Variants in CCSER2 observed in about 807,000 individuals in gnomAD.
CCSER2 encodes coiled-coil serine rich protein 2.
A neutral mutation model predicts 92.3 loss-of-function variants in CCSER2; 46 were observed. The ratio of observed to expected loss-of-function variants is 0.50; its 90% CI spans 0.39 to 0.64. The LOEUF (loss-of-function observed/expected upper bound fraction) is 0.64. Ranked by LOEUF, CCSER2 falls within the 30% of genes least tolerant of loss-of-function variation. The pLI, the probability that CCSER2 is intolerant of heterozygous loss-of-function variation, is 0.00. For missense variants in CCSER2, 1,244 were observed against 1,238.9 expected, an observed-to-expected ratio of 1.00 and a Z score of -0.06; for synonymous variants, 433 against 431.4, an observed-to-expected ratio of 1.00 and a Z score of -0.04.
intron 1 of CCSER2, among the ~76,000 whole-genome samples, chr10:84,354,721 C>A (rs1417990773): frequency 1.3e-5 from 2 of 151,778 alleles, no homozygotes; most frequent in African/African-American, 4.8e-5. Context: ...TCAGATTTTG[C>A]CCTTGCATTT....
chr10:84,472,241 C>T (rs1332280545), intron 8 of CCSER2, among the ~76,000 whole-genome samples: 1 of 151,940 alleles, frequency 6.6e-6, no homozygotes, highest in Non-Finnish European at 1.5e-5. Context: ...AAAAATTTAG[C>T]TAAAGGAAAA....
chr10:84,453,077 T>G (rs374649833), intron 6 of CCSER2, among the ~76,000 whole-genome samples: 13 of 152,210 alleles, frequency 8.5e-5, no homozygotes, highest in African/African-American at 3.1e-4. Context: ...AGGAGCAGAA[T>G]TTTTTGAAGC....
At chr10:84,349,433 G>A (rs1314105580) in intron 1 of CCSER2, among the ~76,000 whole-genome samples, 1 of 152,110 alleles carries the variant, frequency 6.6e-6, no homozygotes, top group Non-Finnish European at 1.5e-5. Flanking sequence ...AGCACTTGGG[G>A]AGGCAGGAGG....
At chr10:84,472,870 C>G (rs1454716347) in intron 8 of CCSER2, among the ~76,000 whole-genome samples, 1 of 152,158 alleles carries the variant, frequency 6.6e-6, no homozygotes. Flanking sequence ...CTTCTAATAT[C>G]TAGTCCATAC....
intron 1 of CCSER2, among the ~76,000 whole-genome samples, chr10:84,343,976 A>C (rs1338069717): frequency 1.3e-5 from 2 of 152,240 alleles, no homozygotes; most frequent in African/African-American, 4.8e-5. Flanking sequence ...GTTAATACCC[A>C]GGAGAAGCTC....
At chr10:84,370,866 C>G (rs764802105) in intron 1 of CCSER2, 148 bp from the exon 2 acceptor site, 51 of 407,724 alleles carry the variant, frequency 1.3e-4, no homozygotes, top group Non-Finnish European at 2.1e-4. Context: ...TTAATTAGTG[C>G]ATTCGGTATT....
intron 3 of CCSER2, among the ~76,000 whole-genome samples, chr10:84,385,044 C>T (rs1414321101): frequency 6.6e-6 from 1 of 150,720 alleles, no homozygotes; most frequent in African/African-American, 2.4e-5. Context: ...CCCAGGAATA[C>T]ATTTAACCAA....
chr10:84,383,572 A>C (rs886192186), intron 3 of CCSER2, among the ~76,000 whole-genome samples: 1 of 152,016 alleles, frequency 6.6e-6, no homozygotes, highest in African/African-American at 2.4e-5. Flanking sequence ...AGCCTCCCAA[A>C]GTGCTGGGAT....
chr10:84,483,498 T>G (rs1358237938), intron 9 of CCSER2, among the ~76,000 whole-genome samples: 1 of 151,694 alleles, frequency 6.6e-6, no homozygotes, highest in Non-Finnish European at 1.5e-5. Flanking sequence ...AGCAGAAAAC[T>G]ATCACAGTTA....
chr10:84,436,183 C>CAG, intron 5 of CCSER2, among the ~76,000 whole-genome samples: 6 of 150,144 alleles, frequency 4.0e-5, no homozygotes, highest in Non-Finnish European at 8.9e-5. Context: ...AAAAATTAGC[C>CAG]GAGTGTGGTG....
rs1170058023 is a variant in CCSER2 at position 84,371,673 on chromosome 10, A to G, written c.621A>G (p.Pro207=). 6.2e-7 allele frequency: 1 copy of G among 1,613,848 alleles called. No individual in the cohort carries two copies. The highest frequency in any genetic ancestry group is 8.5e-7 in the Non-Finnish European group (1 of 1,179,902). ...CTGGAGAAAGCTTAGCTCAATCCCCAGACAGTAGTAAATCTATTAATTGTG... is the reference window on the plus strand; with the variant it reads ...CTGGAGAAAGCTTAGCTCAATCCCCGGACAGTAGTAAATCTATTAATTGTG... ...SSSGESLAQS[P]DSSKSINCEK... is the part of the protein sequence containing the mutation. The change falls in exon 2 of 10, where the codon CCA becomes CCG. Residue 207 remains proline (P), a synonymous_variant. Transcript: ENST00000372088.
chr10:84,408,607 A>AATG (rs975322289), intron 3 of CCSER2, among the ~76,000 whole-genome samples: 6 of 152,198 alleles, frequency 3.9e-5, no homozygotes, highest in Admixed American at 3.9e-4. Flanking sequence ...TTCATTATAA[A>AATG]ATGAAAGGTA....
intron 1 of CCSER2, among the ~76,000 whole-genome samples, chr10:84,348,017 C>T (rs1336727852): frequency 6.6e-6 from 1 of 152,114 alleles, no homozygotes; most frequent in African/African-American, 2.4e-5. Context: ...GATGGGCGGC[C>T]AGGCAGAGAC....
At position 84,516,905 on chromosome 10, in the gene CCSER2, T is replaced by C. The variant is rs1019691475; in HGVS notation, c.*2638T>C. The C allele has an allele frequency of 6.6e-6, 1 of 152,178 alleles. No individual in the cohort carries two copies. Among genetic ancestry groups the C allele is most frequent in the African/African-American group, 2.4e-5 (1 of 41,440 alleles). The allele number at this position is 152,178 out of a possible 1,614,324, so 9.4% of individuals were successfully genotyped here. On this transcript the variant is annotated 3_prime_UTR_variant, in exon 10 of 10. Coordinates refer to ENST00000372088, the MANE Select transcript of CCSER2 (RefSeq NM_001284240.2). Reference sequence around the variant, plus strand: ...TCTAGGATGCTTGCATGACATAAAGTATTTGCCTGCAGTTTTCATTAAAAA... The same window carrying C: ...TCTAGGATGCTTGCATGACATAAAGCATTTGCCTGCAGTTTTCATTAAAAA...
chr10:84,390,968 T>G lies in CCSER2; in HGVS notation c.1614+17153T>G, dbSNP rs1320990674. 1.2e-4 allele frequency: 89 copies of G among 765,930 alleles called. 1 individual carries two copies. Among genetic ancestry groups the G allele is most frequent in the Non-Finnish European group, 9.8e-6 (4 of 407,996 alleles). 47.4% of individuals were successfully genotyped at this position (765,930 alleles called of 1,614,324 possible). ...TTTGCTTATATACTTGATACCCTGG[T>G]CTTTGCATTTAGTAAATACCAGCAT... On this transcript the variant is annotated intron_variant, in intron 3 of 9. Transcript: ENST00000372088.
chr10:84,418,739 CA>C (rs548697066), intron 4 of CCSER2, among the ~76,000 whole-genome samples: 7 of 152,280 alleles, frequency 4.6e-5, no homozygotes, highest in Non-Finnish European at 7.4e-5. Context: ...TTATATTTGT[CA>C]TACTGGTGAG....
chr10:84,372,522 A>AACTT (rs1846120257), intron 2 of CCSER2, 53 bp downstream of exon 2: 5 of 1,015,616 alleles, frequency 4.9e-6, no homozygotes, highest in Non-Finnish European at 7.3e-6. Context: ...AATATAACTG[A>AACTT]ACTTACATTT....
intron 1 of CCSER2, 54 bp from the exon 2 acceptor site, chr10:84,370,960 A>G (rs1197173645): frequency 1.3e-6 from 1 of 776,332 alleles, no homozygotes; most frequent in Non-Finnish European, 1.9e-6. Context: ...GTAATAATTC[A>G]TGTAATTATC....
chr10:84,447,868 G>A (rs1845023313), intron 6 of CCSER2, among the ~76,000 whole-genome samples: 1 of 152,134 alleles, frequency 6.6e-6, no homozygotes, highest in African/African-American at 2.4e-5. Flanking sequence ...GGGCAGTGGT[G>A]CAGTGTCGGC....
Sources: gnomAD v4.1 joint callset for allele counts (sites outside exome capture counted in the v4.1 genomes callset) on GRCh38, gnomAD v4.1.1 for gene constraint, MANE v1.5 for transcripts, NCBI Gene and HGNC (gene_info 2026-07-23, HGNC 2026-07-21) for gene names.